Variants in DIAPH3 observed in about 807,000 individuals in gnomAD.
DIAPH3 encodes diaphanous related formin 3.
A neutral mutation model predicts 144.3 loss-of-function variants in DIAPH3; 117 were observed. That is an observed-to-expected ratio of 0.81 (90% CI 0.70 to 0.95). DIAPH3 has a LOEUF of 0.95. DIAPH3 is among the 40% of genes least tolerant of loss of function. The probability of loss-of-function intolerance (pLI) is 0.00; values close to 1 mark genes in which losing one functional copy is unlikely to be tolerated. For missense variants in DIAPH3, 1,421 were observed against 1,412.7 expected, an observed-to-expected ratio of 1.01 and a Z score of -0.09; for synonymous variants, 519 against 488.9, an observed-to-expected ratio of 1.06 and a Z score of -0.81.
chr13:59,959,025 G>A (rs1250573424), intron 17 of DIAPH3, among the ~76,000 whole-genome samples: 4 of 151,904 alleles, frequency 2.6e-5, no homozygotes, highest in African/African-American at 7.3e-5. Context: ...ACAGGCATCC[G>A]CCATCATACC....
chr13:59,978,886 T>A (rs1464767911), intron 14 of DIAPH3, among the ~76,000 whole-genome samples: 2 of 151,750 alleles, frequency 1.3e-5, no homozygotes, highest in Non-Finnish European at 2.9e-5. Flanking sequence ...AGTGCATCTG[T>A]ACAAGAAGGT....
At chr13:60,018,986 C>G (rs1566665803) in intron 5 of DIAPH3, among the ~76,000 whole-genome samples, 1 of 152,120 alleles carries the variant, frequency 6.6e-6, no homozygotes, top group Non-Finnish European at 1.5e-5. Context: ...TAACAGGTGT[C>G]ACTCACAAAG....
intron 2 of DIAPH3, among the ~76,000 whole-genome samples, chr13:60,129,154 T>A (rs569841869): frequency 6.6e-6 from 1 of 152,130 alleles, no homozygotes; most frequent in Non-Finnish European, 1.5e-5. Context: ...GACACACTGA[T>A]GGATAATTTA....
At chr13:59,797,893 T>C (rs77808089) in intron 25 of DIAPH3, among the ~76,000 whole-genome samples, 1 of 152,196 alleles carries the variant, frequency 6.6e-6, no homozygotes, top group East Asian at 1.9e-4. Context: ...AATTTGTTTT[T>C]ATTTTCCTCT....
intron 15 of DIAPH3, among the ~76,000 whole-genome samples, chr13:59,973,427 A>T (rs939910640): frequency 3.7e-5 from 5 of 136,338 alleles, no homozygotes; most frequent in African/African-American, 1.0e-4. Context: ...TGGGAAAGAT[A>T]AAAAAAAAAA....
chr13:59,978,501 T>A (rs772622971), intron 14 of DIAPH3, among the ~76,000 whole-genome samples: 4 of 151,502 alleles, frequency 2.6e-5, no homozygotes, highest in Non-Finnish European at 4.4e-5. Context: ...TTTCGGGACT[T>A]AAGATAAAAA....
At chr13:59,913,889 C>A (rs554398756) in intron 19 of DIAPH3, among the ~76,000 whole-genome samples, 3 of 151,758 alleles carry the variant, frequency 2.0e-5, no homozygotes, top group Admixed American at 2.0e-4. Context: ...ACCCAGGAGG[C>A]AGAGGTTGCA....
At chr13:59,679,978 T>C (rs1211444594) in intron 27 of DIAPH3, among the ~76,000 whole-genome samples, 1 of 152,216 alleles carries the variant, frequency 6.6e-6, no homozygotes, top group African/African-American at 2.4e-5. Context: ...TGGGGCATCA[T>C]AGTAAATGTA....
chr13:59,728,967 A>C (rs935986663), intron 27 of DIAPH3, among the ~76,000 whole-genome samples: 48 of 151,866 alleles, frequency 3.2e-4, no homozygotes, highest in African/African-American at 1.1e-3. Flanking sequence ...CTGACTGTGC[A>C]CCACGAAGCC....
Position 59,992,136 on chromosome 13 carries a change from A to T in DIAPH3, c.1176T>A (p.Phe392Leu). The stretch of plus-strand genomic sequence containing the variant: ...ACAAATCTTCTTCTTTATGCTCATC[A>T]AAGACTTTAAGTTGGATATCCAGGC... The part of the protein sequence containing the change: ...NDGLDIQLKV[F>L]DEHKEEDLFE... Residue 392 changes from phenylalanine (F) to leucine (L), a missense_variant, in exon 11 of 28, where the codon TTT becomes TTA. Transcript: ENST00000400324. 1 of 1,612,020 alleles carries T rather than the reference A, an allele frequency of 6.2e-7. No homozygotes were observed. The highest frequency in any genetic ancestry group is 8.5e-7 in the Non-Finnish European group (1 of 1,178,802).
intron 25 of DIAPH3, among the ~76,000 whole-genome samples, chr13:59,806,881 T>C (rs1279517941): frequency 6.6e-6 from 1 of 151,878 alleles, no homozygotes; most frequent in African/African-American, 2.4e-5. Flanking sequence ...TAAAATTCAA[T>C]GTATCAATTT....
chr13:59,710,227 C>A, intron 27 of DIAPH3, among the ~76,000 whole-genome samples: 1 of 131,096 alleles, frequency 7.6e-6, no homozygotes, highest in African/African-American at 2.8e-5. Flanking sequence ...CACATGTACC[C>A]TAAAACTTAA....
In DIAPH3 at chr13:59,725,049, G is replaced by A. The variant is rs192543081; in HGVS notation, c.3319+49140C>T. Among the ~76,000 whole-genome samples, 645 of 152,290 alleles carry A rather than the reference G, an allele frequency of 4.2e-3. 5 individuals carry two copies. Among genetic ancestry groups the A allele is most frequent in the African/African-American group, 0.015 (604 of 41,570 alleles). ...GTGTTCTACTGCTAAAATCTGAGAA[G>A]TGAAAATGTGGCTAAATTTTGAAAT... On this transcript the variant is annotated intron_variant, in intron 27 of 27. Coordinates refer to ENST00000400324, the MANE Select transcript of DIAPH3 (RefSeq NM_001042517.2).
At position 60,010,488 on chromosome 13, in the gene DIAPH3, T is replaced by C. The variant is rs757525319; in HGVS notation, c.908+45A>G. 3.3e-6 allele frequency: 5 copies of C among 1,498,334 alleles called. No homozygotes were observed. In the Admixed American group the frequency reaches 5.9e-5, roughly 18 times the overall value. The allele number at this position is 1,498,334 out of a possible 1,614,324, so 92.8% of individuals were successfully genotyped here. ...ATGAAACATTAAATGAATCAATCTG[T>C]ATTAAATTATTATATAATTAGGGGA... On this transcript the variant is annotated intron_variant, in intron 8 of 27. Coordinates refer to ENST00000400324, the MANE Select transcript of DIAPH3 (RefSeq NM_001042517.2).
intron 20 of DIAPH3, among the ~76,000 whole-genome samples, chr13:59,905,212 G>T (rs1020711053): frequency 1.6e-4 from 24 of 151,540 alleles, no homozygotes; most frequent in Admixed American, 1.5e-3. Context: ...GCGTGGTGGC[G>T]GGCGCCTATA....
chr13:59,969,256 C>G (rs1223214548), intron 17 of DIAPH3, among the ~76,000 whole-genome samples: 2 of 152,110 alleles, frequency 1.3e-5, no homozygotes, highest in Non-Finnish European at 2.9e-5. Flanking sequence ...AATGCCATTG[C>G]TTTTAATGAA....
intron 17 of DIAPH3, among the ~76,000 whole-genome samples, chr13:59,957,118 T>C (rs1050849396): frequency 6.6e-6 from 1 of 152,196 alleles, no homozygotes; most frequent in African/African-American, 2.4e-5. Context: ...TTTGAGTTAA[T>C]GCTGAAATGA....
intron 4 of DIAPH3, among the ~76,000 whole-genome samples, chr13:60,092,496 C>T (rs1405164404): frequency 6.6e-6 from 1 of 152,086 alleles, no homozygotes; most frequent in African/African-American, 2.4e-5. Context: ...AATAAAAATA[C>T]AAAAAATTTC....
intron 27 of DIAPH3, among the ~76,000 whole-genome samples, chr13:59,702,693 T>C (rs1290822766): frequency 6.6e-6 from 1 of 152,182 alleles, no homozygotes; most frequent in Non-Finnish European, 1.5e-5. Flanking sequence ...ACACAAAACA[T>C]GAAAATATAC....
Sources: gnomAD v4.1 joint callset for allele counts (sites outside exome capture counted in the v4.1 genomes callset) on GRCh38, gnomAD v4.1.1 for gene constraint, MANE v1.5 for transcripts, NCBI Gene and HGNC (gene_info 2026-07-23, HGNC 2026-07-21) for gene names.